OR6C74: variants seen among roughly 807,000 people sequenced by gnomAD.
The protein encoded by OR6C74 is olfactory receptor family 6 subfamily C member 74.
For missense variants in OR6C74, 361 were observed against 362.9 expected (o/e 0.99, Z 0.04); for synonymous variants, 142 against 134.2 (o/e 1.06, Z -0.40).
chr12:55,247,029 A>T (rs1954274117), intron 1 of OR6C74, among the ~76,000 whole-genome samples: 1 of 152,120 alleles, frequency 6.6e-6, no homozygotes, highest in Non-Finnish European at 1.5e-5. Context: ...CATGACTTTT[A>T]TCGATGCAAC....
At position 55,253,047 on chromosome 12, in the gene OR6C74, G is replaced by C. The variant is rs1954321276; in HGVS notation, c.*4821G>C. 6.6e-6 allele frequency among the ~76,000 whole-genome samples: 1 copy of C among 151,806 alleles called. No homozygotes were observed. Among genetic ancestry groups the C allele is most frequent in the Non-Finnish European group, 1.5e-5 (1 of 67,922 alleles). On this transcript the variant is annotated 3_prime_UTR_variant, in exon 2 of 2. Transcript: ENST00000343399. ...GTACCAAAACAATCCTTGGCCTGTGGGCTATGGTTTGCTGGCCTGTGGAAT... is the reference window on the plus strand; with the variant it reads ...GTACCAAAACAATCCTTGGCCTGTGCGCTATGGTTTGCTGGCCTGTGGAAT...
intron 1 of OR6C74, among the ~76,000 whole-genome samples, chr12:55,245,200 A>G (rs1954263078): frequency 6.6e-6 from 1 of 152,096 alleles, no homozygotes; most frequent in Non-Finnish European, 1.5e-5. Context: ...TACTGAAAAA[A>G]TTAAGTGTGT....
rs186211480 is a variant in OR6C74 at position 55,251,611 on chromosome 12, C to G, written c.*3385C>G. 9.2e-5 allele frequency among the ~76,000 whole-genome samples: 14 copies of G among 151,500 alleles called. No homozygotes were observed. The East Asian group carries it at 2.3e-3, about 25-fold the overall frequency. ...ACTATAAAATAATTAATAGATTGGA[C>G]TTGATGACAGGCAATATGAAAAAAA... On this transcript the variant is annotated 3_prime_UTR_variant, in exon 2 of 2. Coordinates refer to ENST00000343399, the MANE Select transcript of OR6C74 (RefSeq NM_001005490.2).
chr12:55,248,271 G>A lies in OR6C74; in HGVS notation c.*45G>A, dbSNP rs1474211734. ...TAAGGTTATTAGTAAAATAAAACAA[G>A]AAGAGTGGAGTATGTGCAAAGTTTT... On this transcript the variant is annotated 3_prime_UTR_variant, in exon 2 of 2. Coordinates refer to ENST00000343399, the MANE Select transcript of OR6C74 (RefSeq NM_001005490.2). 1 of 1,253,670 alleles carries A rather than the reference G, an allele frequency of 8.0e-7. No homozygotes were observed. The highest frequency in any genetic ancestry group is 1.1e-6 in the Non-Finnish European group (1 of 894,948). The allele number at this position is 1,253,670 out of a possible 1,614,324, so 77.7% of individuals were successfully genotyped here.
Position 55,248,311 on chromosome 12 carries a change from C to A in OR6C74, c.*85C>A. 1.3e-6 allele frequency: 1 copy of A among 780,202 alleles called. No homozygotes were observed. Among genetic ancestry groups the A allele is most frequent in the Non-Finnish European group, 2.0e-6 (1 of 496,446 alleles). The allele number at this position is 780,202 out of a possible 1,614,324, so 48.3% of individuals were successfully genotyped here. A position where few individuals can be genotyped will look rare whatever the true frequency, so the allele number is the denominator to read the frequency against. ...TGCAAAGTTTTTCAATGTTTGTATT[C>A]AATAATATTACCTCTTTTTTGACTT... On this transcript the variant is annotated 3_prime_UTR_variant, in exon 2 of 2. Transcript: ENST00000343399.
rs1484683084 is a variant in OR6C74 at position 55,252,109 on chromosome 12, TTAA to T, written c.*3887_*3889del. On this transcript the variant is annotated 3_prime_UTR_variant, in exon 2 of 2. Coordinates refer to ENST00000343399, the MANE Select transcript of OR6C74 (RefSeq NM_001005490.2). ...TGAAATTTTAATAGAAAAATAGGAA[TTAA>T]TAAAGGAAATTATACAAAATGATCA... Among the ~76,000 whole-genome samples, 1 of 151,506 alleles carries T rather than the reference TTAA, an allele frequency of 6.6e-6. No homozygotes were observed. The highest frequency in any genetic ancestry group is 1.5e-5 in the Non-Finnish European group (1 of 67,714).
In OR6C74 at chr12:55,253,990, A is replaced by G. The variant is rs924009973; in HGVS notation, c.*5764A>G. On this transcript the variant is annotated 3_prime_UTR_variant, in exon 2 of 2. Coordinates refer to ENST00000343399, the MANE Select transcript of OR6C74 (RefSeq NM_001005490.2). ...TGTTTATTTTAGTCCTAGGAACTTC[A>G]TAATCTGTTGTTCACTACTAAAGTG... 2.0e-5 allele frequency among the ~76,000 whole-genome samples: 3 copies of G among 152,062 alleles called. No individual in the cohort carries two copies. The highest frequency in any genetic ancestry group is 7.2e-5 in the African/African-American group (3 of 41,416).
Position 55,252,806 on chromosome 12 carries a change from A to G in OR6C74, c.*4580A>G, listed in dbSNP as rs930831310. 5.3e-5 allele frequency among the ~76,000 whole-genome samples: 8 copies of G among 152,030 alleles called. No homozygotes were observed. The highest frequency in any genetic ancestry group is 7.2e-5 in the African/African-American group (3 of 41,438). On this transcript the variant is annotated 3_prime_UTR_variant, in exon 2 of 2. Transcript: ENST00000343399. ...ATGTCTACTTATAAAATAAAATTCC[A>G]TAATTCTCTTCAATGTGTCTTTTAA...
At position 55,247,553 on chromosome 12, in the gene OR6C74, C is replaced by T. The variant is rs1367410521; in HGVS notation, c.266C>T (p.Thr89Ile). The T allele has an allele frequency of 1.9e-6, 3 of 1,613,144 alleles. No individual in the cohort carries two copies. In the African/African-American group the frequency reaches 4.0e-5, roughly 22 times the overall value. ...FLVSMATGDK[T>I]ISYNDCAAQL... Reference sequence around the variant, plus strand: ...GTTAGTATGGCAACAGGTGATAAGACCATTTCTTACAACGATTGTGCAGCA... The same window carrying T: ...GTTAGTATGGCAACAGGTGATAAGATCATTTCTTACAACGATTGTGCAGCA... Residue 89 changes from threonine (T) to isoleucine (I), a missense_variant, in exon 2 of 2, where the codon ACC (threonine) becomes ATC (isoleucine). Transcript: ENST00000343399.
In OR6C74 at chr12:55,247,850, C is replaced by G; in HGVS notation, c.563C>G (p.Thr188Arg). Residue 188 changes from threonine to arginine, a missense_variant, in exon 2 of 2, where the codon ACA becomes AGA. By Grantham distance (71) the Thr-to-Arg change is moderately conservative. Coordinates refer to ENST00000343399, the MANE Select transcript of OR6C74 (RefSeq NM_001005490.2). ...TCTCCTATACTGCAGCTCTCTTGCACAGACACTGACATAATAGAATTAATG... is the reference window on the plus strand; with the variant it reads ...TCTCCTATACTGCAGCTCTCTTGCAGAGACACTGACATAATAGAATTAATG... ...DVSPILQLSCTDTDIIELMML... is the reference protein window; with the variant it reads ...DVSPILQLSCRDTDIIELMML... 6.2e-7 allele frequency: 1 copy of G among 1,613,958 alleles called. No homozygotes were observed. The highest frequency in any genetic ancestry group is 2.2e-5 in the East Asian group (1 of 44,866).
rs911726342 is a variant in OR6C74, at chr12:55,253,809, A to T, written c.*5583A>T. Among the ~76,000 whole-genome samples, 1 of 152,090 alleles carries T rather than the reference A, an allele frequency of 6.6e-6. No homozygotes were observed. The highest frequency in any genetic ancestry group is 1.5e-5 in the Non-Finnish European group (1 of 67,972). ...TAATATGCATGACAGTTTTGCAAAG[A>T]CAACTTTCTTCATGGGTTCTGGTTC... On this transcript the variant is annotated 3_prime_UTR_variant, in exon 2 of 2. Transcript: ENST00000343399.
rs1270257746 is a variant in OR6C74 at position 55,255,542 on chromosome 12, C to T, written c.*7316C>T. ...GCAATAGCAAAGACTTGGAACCAAC[C>T]CAAATGCCCATCAATGATAGGTTGG... On this transcript the variant is annotated 3_prime_UTR_variant, in exon 2 of 2. Coordinates refer to ENST00000343399, the MANE Select transcript of OR6C74 (RefSeq NM_001005490.2). 6.6e-6 allele frequency among the ~76,000 whole-genome samples: 1 copy of T among 151,764 alleles called. No individual in the cohort carries two copies. Among genetic ancestry groups the T allele is most frequent in the Non-Finnish European group, 1.5e-5 (1 of 67,984 alleles).
rs145727327 is a variant in OR6C74, at chr12:55,249,009, T to A, written c.*783T>A. ...GACAACAAAAATAAATACCCAAGGA[T>A]GACAAAAATGATGCCTTCATGTCCA... On this transcript the variant is annotated 3_prime_UTR_variant, in exon 2 of 2. Transcript: ENST00000343399. Among the ~76,000 whole-genome samples, 141 of 152,282 alleles carry A rather than the reference T, an allele frequency of 9.3e-4. 1 individual carries two copies. Among genetic ancestry groups the A allele is most frequent in the Middle Eastern group, 6.8e-3 (2 of 294 alleles).
Position 55,247,497 on chromosome 12 carries a change from A to G in OR6C74, c.210A>G (p.Ser70=), listed in dbSNP as rs756739309. The G allele has an allele frequency of 2.5e-6, 4 of 1,613,750 alleles. No homozygotes were observed. Among genetic ancestry groups the G allele is most frequent in the Non-Finnish European group, 3.4e-6 (4 of 1,179,814 alleles). The change falls in exon 2 of 2, where the codon TCA becomes TCG. Residue 70 remains serine, a synonymous_variant. Coordinates refer to ENST00000343399, the MANE Select transcript of OR6C74 (RefSeq NM_001005490.2). ...FLRNFSFLEV[S]FTTVYIPKFL... ...GAAATTTCTCATTTTTAGAAGTCTC[A>G]TTCACAACTGTCTACATTCCCAAAT... is the stretch of plus-strand genomic sequence containing the variant.
chr12:55,248,152 A>G lies in OR6C74; in HGVS notation c.865A>G (p.Thr289Ala). 1 of 1,613,768 alleles carries G rather than the reference A, an allele frequency of 6.2e-7. No individual in the cohort carries two copies. Among genetic ancestry groups the G allele is most frequent in the Non-Finnish European group, 8.5e-7 (1 of 1,179,792 alleles). ...CCCCATGTTGAATCCCTTTATTTATACACTGAGAAACAAACAAGTAAAAGA... is the reference window on the plus strand; with the variant it reads ...CCCCATGTTGAATCCCTTTATTTATGCACTGAGAAACAAACAAGTAAAAGA... Reference protein sequence around the residue: ...VAPMLNPFIYTLRNKQVKDVF... With the variant: ...VAPMLNPFIYALRNKQVKDVF... Residue 289 changes from threonine (T) to alanine (A), a missense_variant, in exon 2 of 2, where the codon ACA (threonine) becomes GCA (alanine). Thr to Ala is a moderately conservative substitution (Grantham distance 58). Transcript: ENST00000343399.
Position 55,248,404 on chromosome 12 carries a change from A to G in OR6C74, c.*178A>G, listed in dbSNP as rs1202028081. The G allele has an allele frequency of 4.0e-6, 2 of 503,610 alleles. No homozygotes were observed. Among genetic ancestry groups the G allele is most frequent in the Non-Finnish European group, 6.9e-6 (2 of 289,170 alleles). The allele number at this position is 503,610 out of a possible 1,614,324, so 31.2% of individuals were successfully genotyped here. ...TCACTGCCATTTCTCCCTCATGCTG[A>G]GATCACATAGAAAAGATATTTCTTG... is the stretch of plus-strand genomic sequence containing the variant. On this transcript the variant is annotated 3_prime_UTR_variant, in exon 2 of 2. Transcript: ENST00000343399.
rs1286886511 is a variant in OR6C74 at position 55,247,982 on chromosome 12, G to GA, written c.702dup (p.Ala235SerfsTer36). 2 of 1,613,506 alleles carry GA rather than the reference G, an allele frequency of 1.2e-6. No homozygotes were observed. Among genetic ancestry groups the GA allele is most frequent in the Non-Finnish European group, 8.5e-7 (1 of 1,179,802 alleles). ...CTGAAAATACCTTCTTCTCAACAGA[G>GA]AAAAAAAGCATTTTCTACATGTTCT... On this transcript the variant is annotated frameshift_variant, in exon 2 of 2. Coordinates refer to ENST00000343399, the MANE Select transcript of OR6C74 (RefSeq NM_001005490.2). LOFTEE classifies it high-confidence loss of function.
chr12:55,251,785 T>C lies in OR6C74; in HGVS notation c.*3559T>C, dbSNP rs959321874. Among the ~76,000 whole-genome samples the C allele has an allele frequency of 1.3e-5, 2 of 151,846 alleles. No individual in the cohort carries two copies. Among genetic ancestry groups the C allele is most frequent in the South Asian group, 4.1e-4 (2 of 4,826 alleles). ...TTAGTTTTATCCTTTAAAAATCTTTTGAAGTAAAAGAATAGTCAATATTAT... is the reference window on the plus strand; with the variant it reads ...TTAGTTTTATCCTTTAAAAATCTTTCGAAGTAAAAGAATAGTCAATATTAT... On this transcript the variant is annotated 3_prime_UTR_variant, in exon 2 of 2. Transcript: ENST00000343399.
Position 55,247,837 on chromosome 12 carries a change from C to T in OR6C74, c.550C>T (p.Gln184Ter). 2 of 1,614,016 alleles carry T rather than the reference C, an allele frequency of 1.2e-6. No individual in the cohort carries two copies. Among genetic ancestry groups the T allele is most frequent in the Non-Finnish European group, 1.7e-6 (2 of 1,179,936 alleles). Residue 184 changes from glutamine to a stop codon, truncating the protein, a stop_gained, in exon 2 of 2, where the codon CAG becomes TAG. Transcript: ENST00000343399. LOFTEE classifies it low-confidence loss of function (END_TRUNC). ...HFFCDVSPIL[Q>*]LSCTDTDIIE... ...CTTCTGTGATGTTTCTCCTATACTGCAGCTCTCTTGCACAGACACTGACAT... is the reference window on the plus strand; with the variant it reads ...CTTCTGTGATGTTTCTCCTATACTGTAGCTCTCTTGCACAGACACTGACAT...
Sources: gnomAD v4.1 joint callset for allele counts (sites outside exome capture counted in the v4.1 genomes callset) on GRCh38, gnomAD v4.1.1 for gene constraint, MANE v1.5 for transcripts, NCBI Gene and HGNC (gene_info 2026-07-23, HGNC 2026-07-21) for gene names.